Variants in LMO7 observed in about 807,000 individuals in gnomAD.
The protein encoded by LMO7 is LIM domain only protein 7.
In LMO7, 120 loss-of-function variants were observed where a neutral mutation model predicts 206.5. That is an observed-to-expected ratio of 0.58 (90% confidence interval 0.50 to 0.68). The LOEUF (loss-of-function observed/expected upper bound fraction) is 0.68, where lower values mean the gene tolerates loss of function less well. LMO7 is among the 30% of genes least tolerant of loss of function. LMO7 has a pLI of 0.00. For missense variants in LMO7, 1,959 were observed against 1,957.9 expected (o/e 1.00, Z -0.01); for synonymous variants, 706 against 681.5 (o/e 1.04, Z -0.56).
At chr13:75,655,760 G>A (rs2038013627) in intron 1 of LMO7, among the ~76,000 whole-genome samples, 1 of 151,108 alleles carries the variant, frequency 6.6e-6, no homozygotes, top group Non-Finnish European at 1.5e-5. Flanking sequence ...TCTTCAAGTT[G>A]TCACCTGTGT....
At chr13:75,795,306 A>T in intron 4 of LMO7, 95 bp from the exon 5 acceptor site, 1 of 804,482 alleles carries the variant, frequency 1.2e-6, no homozygotes, top group South Asian at 1.6e-5. Context: ...ATTAATATTC[A>T]TAGAATTTTA....
At chr13:75,676,402 G>A (rs1320465725) in intron 1 of LMO7, among the ~76,000 whole-genome samples, 1 of 152,004 alleles carries the variant, frequency 6.6e-6, no homozygotes, top group Admixed American at 6.6e-5. Context: ...AGTTATATAC[G>A]AGCACTCCAA....
At chr13:75,635,638 C>T (rs1362596299), upstream of LMO7, among the ~76,000 whole-genome samples, 1 of 152,202 alleles carries the variant, frequency 6.6e-6, no homozygotes, top group Non-Finnish European at 1.5e-5. Context: ...CTTGCTCGAA[C>T]CCTCAGCCGC....
chr13:75,743,309 CAA>C (rs1052298750), intron 3 of LMO7, among the ~76,000 whole-genome samples: 7 of 152,172 alleles, frequency 4.6e-5, no homozygotes, highest in African/African-American at 1.7e-4. Flanking sequence ...AGTGTTTACT[CAA>C]AGAGCTAAAA....
chr13:75,766,727 T>A (rs2048946032), intron 4 of LMO7, among the ~76,000 whole-genome samples: 1 of 152,154 alleles, frequency 6.6e-6, no homozygotes, highest in South Asian at 2.1e-4. Flanking sequence ...ACTTTTTATT[T>A]CCTCTACGTC....
chr13:75,809,174 G>T lies in LMO7; in HGVS notation c.1937G>T (p.Gly646Val), dbSNP rs138475106. 43 of 1,612,284 alleles carry T rather than the reference G, an allele frequency of 2.7e-5. No individual in the cohort carries two copies. The highest frequency in any genetic ancestry group is 3.4e-5 in the Non-Finnish European group (40 of 1,178,734). ...MVERLFQKIY[G>V]ENGSKSMSDV... The stretch of plus-strand genomic sequence containing the variant: ...CTTAGACTCTTTCAAAAGATTTATG[G>T]TGAGAATGGGTAAGTTGTGTGGTTC... Residue 646 changes from glycine (G) to valine (V), a missense_variant, in exon 11 of 31, where the codon GGT (glycine) becomes GTT (valine). Transcript: ENST00000377534.
Position 75,855,328 on chromosome 13 carries a change from T to C in LMO7, c.4730T>C (p.Ile1577Thr). The change falls in exon 29 of 31, where the codon ATC (isoleucine) becomes ACC (threonine). Residue 1577 changes from isoleucine (I) to threonine (T), a missense_variant. Ile to Thr is a moderately conservative substitution (Grantham distance 89). Transcript: ENST00000377534. ...NILGKGAAMI[I>T]ESLGLCYHLH... is the part of the protein sequence containing the mutation. ...CTGGGCAAAGGAGCCGCCATGATCA[T>C]CGAGTCCCTGGGTCTTTGTTATCAT... 6.2e-7 allele frequency: 1 copy of C among 1,613,922 alleles called. No homozygotes were observed. Among genetic ancestry groups the C allele is most frequent in the Non-Finnish European group, 8.5e-7 (1 of 1,179,762 alleles).
At chr13:75,692,854 G>C (rs370995212) in intron 1 of LMO7, among the ~76,000 whole-genome samples, 1 of 152,166 alleles carries the variant, frequency 6.6e-6, no homozygotes, top group Non-Finnish European at 1.5e-5. Context: ...GATAATACTG[G>C]TGCCCTTCAG....
At chr13:75,821,722 A>G (rs1015176423) in intron 14 of LMO7, 113 bp downstream of exon 14, 29 of 654,054 alleles carry the variant, frequency 4.4e-5, no homozygotes, top group African/African-American at 1.8e-5. Context: ...TAACATATAT[A>G]AGGACATTTT....
chr13:75,681,753 A>C lies in LMO7; in HGVS notation c.70-31429A>C, dbSNP rs904053446. On this transcript the variant is annotated intron_variant, in intron 1 of 30. Coordinates refer to ENST00000377534, the MANE Select transcript of LMO7 (RefSeq NM_001306080.2). ...ATATATATATATATATATATATGGAATCTTATTATTTGTAGCCTTTTGAGT... is the reference window on the plus strand; with the variant it reads ...ATATATATATATATATATATATGGACTCTTATTATTTGTAGCCTTTTGAGT... Among the ~76,000 whole-genome samples, 176 of 85,504 alleles carry C rather than the reference A, an allele frequency of 2.1e-3. 2 individuals carry two copies. Among genetic ancestry groups the C allele is most frequent in the African/African-American group, 6.0e-3 (170 of 28,534 alleles). 56.1% of individuals were successfully genotyped at this position (85,504 alleles called of 152,430 possible).
At chr13:75,845,297 A>G in intron 25 of LMO7, 30 bp from the exon 26 acceptor site, 1 of 1,162,204 alleles carries the variant, frequency 8.6e-7, no homozygotes, top group Non-Finnish European at 1.3e-6. Flanking sequence ...TTAATGAGAC[A>G]TATTTAATAT....
rs73229904 is a variant in LMO7, at chr13:75,853,117, T to G, written c.4390T>G (p.Ser1464Ala). 0.013 allele frequency: 21,441 copies of G among 1,608,920 alleles called. 165 individuals are homozygous for G. The highest frequency in any genetic ancestry group is 0.015 in the Non-Finnish European group (17,245 of 1,176,770). The change falls in exon 28 of 31, where the codon TCC becomes GCC. Residue 1464 changes from serine (S) to alanine (A), a missense_variant. Transcript: ENST00000377534. ...RRGESLDNLD[S>A]PRSNSWRQPP... ...AGGCGAATCTTTAGATAACCTGGAC[T>G]CCCCCCGATCCAATTCTTGGAGACA...
chr13:75,721,063 C>A (rs948304627), intron 2 of LMO7, among the ~76,000 whole-genome samples: 1 of 151,958 alleles, frequency 6.6e-6, no homozygotes, highest in Admixed American at 6.6e-5. Context: ...ATTAAGATAA[C>A]CAGTCCAAGT....
chr13:75,670,581 T>C (rs574048049), intron 1 of LMO7, among the ~76,000 whole-genome samples: 1 of 152,262 alleles, frequency 6.6e-6, no homozygotes, highest in East Asian at 1.9e-4. Context: ...TATCTAAACA[T>C]AGAAAAGGTA....
At chr13:75,816,376 A>G (rs2056991992) in intron 11 of LMO7, among the ~76,000 whole-genome samples, 1 of 152,022 alleles carries the variant, frequency 6.6e-6, no homozygotes, top group African/African-American at 2.4e-5. Flanking sequence ...CCTTGAGACC[A>G]CCCTTAATCT....
At chr13:75,816,983 T>C (rs1360585040) in intron 11 of LMO7, 178 bp from the exon 12 acceptor site, 3 of 466,062 alleles carry the variant, frequency 6.4e-6, no homozygotes, top group Non-Finnish European at 7.7e-6. Flanking sequence ...TCGAGTGCTC[T>C]TGTTTCTGAG....
At chr13:75,798,545 T>TTA (rs1330586858) in intron 6 of LMO7, among the ~76,000 whole-genome samples, 4 of 152,204 alleles carry the variant, frequency 2.6e-5, no homozygotes, top group Non-Finnish European at 5.9e-5. Context: ...GTTGAAGACC[T>TTA]TATGGTGTAT....
At chr13:75,647,951 C>CTTTTTTTTT (rs570513211) in intron 1 of LMO7, among the ~76,000 whole-genome samples, 12,456 of 90,830 alleles carry the variant, frequency 0.14, 1,550 homozygotes, top group Admixed American at 0.23. Context: ...TCTTTTCTTT[C>CTTTTTTTTT]TTTTTTTTTT....
At chr13:75,827,352 A>G (rs2058216415) in intron 15 of LMO7, among the ~76,000 whole-genome samples, 1 of 152,204 alleles carries the variant, frequency 6.6e-6, no homozygotes, top group African/African-American at 2.4e-5. Context: ...TAAGTCTGGA[A>G]GCAGAGACTG....
Sources: allele counts gnomAD v4.1 joint callset (sites outside exome capture counted in the v4.1 genomes callset), GRCh38; gene constraint gnomAD v4.1.1; transcripts MANE v1.5; gene names NCBI Gene and HGNC (gene_info 2026-07-23, HGNC 2026-07-21).